The following ERC2 variants were observed in gnomAD, a reference collection of about 807,000 sequenced individuals.
ERC2 encodes the protein ELKS/RAB6-interacting/CAST family member 2, also known as ERC protein 2.
A neutral mutation model predicts 114.8 loss-of-function variants in ERC2; 42 were observed. The observed-to-expected ratio is 0.37, with a 90% CI of 0.29 to 0.47. The LOEUF is 0.47. ERC2 is among the 20% of genes least tolerant of loss of function. ERC2 has a pLI of 0.99. For missense variants in ERC2, 939 were observed against 1,150.7 expected (o/e 0.82, Z 2.66); for synonymous variants, 454 against 425.5 (o/e 1.07, Z -0.82).
At chr3:55,574,113 G>C (rs984369285) in intron 17 of ERC2, among the ~76,000 whole-genome samples, 9 of 152,292 alleles carry the variant, frequency 5.9e-5, no homozygotes, top group Non-Finnish European at 1.2e-4. Context: ...CCAGGGCTTT[G>C]CATGTGCTAT....
intron 17 of ERC2, among the ~76,000 whole-genome samples, chr3:55,642,348 C>CT (rs11370185): frequency 0.8 from 111,396 of 139,908 alleles, 44,284 homozygotes; most frequent in Non-Finnish European, 0.87. Flanking sequence ...TTTTTTTTTT[C>CT]TTTTTTGACA....
intron 2 of ERC2, among the ~76,000 whole-genome samples, chr3:56,416,713 T>C (rs1200380994): frequency 6.6e-6 from 1 of 151,694 alleles, no homozygotes; most frequent in African/African-American, 2.4e-5. Flanking sequence ...CTGAAACTGT[T>C]TTACCCTTGG....
chr3:55,699,722 C>T (rs1054673234), intron 15 of ERC2, among the ~76,000 whole-genome samples: 2 of 152,170 alleles, frequency 1.3e-5, no homozygotes, highest in South Asian at 2.1e-4. Flanking sequence ...TATTATGTTA[C>T]ATCTGTAAAT....
chr3:56,454,513 G>A (rs554414988), intron 1 of ERC2, among the ~76,000 whole-genome samples: 3 of 152,232 alleles, frequency 2.0e-5, no homozygotes, highest in South Asian at 2.1e-4. Context: ...TAGCCAAAAG[G>A]TGAAAACAAC....
At chr3:55,606,061 G>T (rs1281773516) in intron 17 of ERC2, among the ~76,000 whole-genome samples, 1 of 152,108 alleles carries the variant, frequency 6.6e-6, no homozygotes, top group African/African-American at 2.4e-5. Context: ...GGTCTCTGTG[G>T]GTTTATTCTT....
chr3:56,239,484 C>A (rs11926826), intron 3 of ERC2, among the ~76,000 whole-genome samples: 13,248 of 151,852 alleles, frequency 0.087, 800 homozygotes, highest in Admixed American at 0.15. Context: ...CCAGCCTGGG[C>A]GACAGAGTGA....
intron 2 of ERC2, among the ~76,000 whole-genome samples, chr3:56,416,106 G>A (rs2061143455): frequency 6.6e-6 from 1 of 152,152 alleles, no homozygotes; most frequent in Admixed American, 6.5e-5. Flanking sequence ...ACGTGATTTG[G>A]CCAACATCAC....
intron 2 of ERC2, among the ~76,000 whole-genome samples, chr3:56,321,697 T>TA (rs1189428514): frequency 6.6e-6 from 1 of 152,252 alleles, no homozygotes; most frequent in Non-Finnish European, 1.5e-5. Context: ...TGTTTTTCTT[T>TA]AATATAGGCA....
At chr3:55,791,820 T>A (rs2070053875) in intron 14 of ERC2, among the ~76,000 whole-genome samples, 1 of 152,178 alleles carries the variant, frequency 6.6e-6, no homozygotes, top group African/African-American at 2.4e-5. Context: ...CAGATTCATT[T>A]TTCTGCCCTT....
chr3:56,460,552 A>G (rs1035569381), intron 1 of ERC2, among the ~76,000 whole-genome samples: 3 of 152,240 alleles, frequency 2.0e-5, no homozygotes, highest in Non-Finnish European at 4.4e-5. Context: ...GAAATGAGCA[A>G]TATAAAGCAC....
intron 13 of ERC2, among the ~76,000 whole-genome samples, chr3:55,920,414 A>AC (rs2065347244): frequency 1.9e-5 from 2 of 104,216 alleles, no homozygotes; most frequent in African/African-American, 8.1e-5. Flanking sequence ...AGGCACACTA[A>AC]AACACACACA....
In ERC2 at chr3:56,315,084, T is replaced by G. The variant is rs569127819; in HGVS notation, c.658-18649A>C. Among the ~76,000 whole-genome samples the G allele has an allele frequency of 4.6e-5, 7 of 152,224 alleles. No homozygotes were observed. In the East Asian group the frequency reaches 1.4e-3, roughly 29 times the overall value. On this transcript the variant is annotated intron_variant, in intron 2 of 17. Coordinates refer to ENST00000288221, the MANE Select transcript of ERC2 (RefSeq NM_015576.3). ...GATGGGACAGCCGCCATAACCACAT[T>G]CCTTACTCCAGCGGCTCCAAGCCTT...
chr3:56,047,383 A>T (rs370549298), intron 7 of ERC2, among the ~76,000 whole-genome samples: 31 of 152,346 alleles, frequency 2.0e-4, no homozygotes, highest in African/African-American at 7.2e-4. Context: ...GCCATACTGC[A>T]GGTCACTGCA....
chr3:56,228,727 ATTACT>A (rs1324235849), intron 3 of ERC2, among the ~76,000 whole-genome samples: 1 of 152,210 alleles, frequency 6.6e-6, no homozygotes, highest in Non-Finnish European at 1.5e-5. Flanking sequence ...GGGTATAAAA[ATTACT>A]TTAATTCATC....
At chr3:56,081,842 T>G (rs2077249866) in intron 6 of ERC2, among the ~76,000 whole-genome samples, 1 of 152,152 alleles carries the variant, frequency 6.6e-6, no homozygotes, top group Non-Finnish European at 1.5e-5. Context: ...TGAGTTAATT[T>G]TCTGTAGCAT....
chr3:55,970,390 A>G (rs2069072223), intron 12 of ERC2, among the ~76,000 whole-genome samples: 1 of 151,762 alleles, frequency 6.6e-6, no homozygotes, highest in South Asian at 2.1e-4. Context: ...TAATTACTAT[A>G]GTAGTATTAG....
intron 17 of ERC2, among the ~76,000 whole-genome samples, chr3:55,631,817 T>A (rs1449433623): frequency 6.6e-6 from 1 of 152,198 alleles, no homozygotes; most frequent in Admixed American, 6.5e-5. Flanking sequence ...AGAGCAACAA[T>A]AACAATTAAA....
intron 15 of ERC2, among the ~76,000 whole-genome samples, chr3:55,717,389 T>G (rs895283590): frequency 3.3e-5 from 5 of 152,172 alleles, no homozygotes. Flanking sequence ...CTGTTCACTA[T>G]CTCTTCTTAG....
intron 6 of ERC2, among the ~76,000 whole-genome samples, chr3:56,107,262 C>CTT (rs78417349): frequency 7.8e-5 from 11 of 140,904 alleles, no homozygotes; most frequent in East Asian, 4.2e-4. Flanking sequence ...ATTAAATCCA[C>CTT]TTTTTTTTTT....
Sources: gnomAD v4.1 joint callset for allele counts (sites outside exome capture counted in the v4.1 genomes callset) on GRCh38, gnomAD v4.1.1 for gene constraint, MANE v1.5 for transcripts, NCBI Gene and HGNC (gene_info 2026-07-23, HGNC 2026-07-21) for gene names.